CPAMD8: variants seen among roughly 807,000 people sequenced by gnomAD.
CPAMD8 encodes the protein C3 and PZP like alpha-2-macroglobulin domain containing 8, also known as C3 and PZP-like alpha-2-macroglobulin domain-containing protein 8.
A neutral mutation model predicts 224.7 loss-of-function variants in CPAMD8; 146 were observed. The ratio of observed to expected loss-of-function variants is 0.65; its 90% CI spans 0.57 to 0.75. CPAMD8 has a LOEUF of 0.75. CPAMD8 is among the 30% of genes least tolerant of loss of function. CPAMD8 has a pLI of 0.00. For synonymous variants in CPAMD8, 966 were observed against 1,044.6 expected, an observed-to-expected ratio of 0.92 and a Z score of 1.45; for missense variants, 2,301 against 2,537.5, an observed-to-expected ratio of 0.91 and a Z score of 2.00.
intron 3 of CPAMD8, among the ~76,000 whole-genome samples, chr19:17,019,990 G>A (rs62126013): frequency 1.5e-5 from 1 of 68,784 alleles, no homozygotes; most frequent in Admixed American, 1.7e-4. Flanking sequence ...TTTTTTTTTG[G>A]TGAGACGGAG....
chr19:16,941,978 A>G (rs2053910504), intron 22 of CPAMD8, among the ~76,000 whole-genome samples: 1 of 151,354 alleles, frequency 6.6e-6, no homozygotes, highest in East Asian at 2.0e-4. Flanking sequence ...TCTCAAAACA[A>G]CAACAAGAAC....
intron 27 of CPAMD8, among the ~76,000 whole-genome samples, chr19:16,916,015 CTT>C (rs1491173760): frequency 6.7e-6 from 1 of 149,942 alleles, no homozygotes; most frequent in Non-Finnish European, 1.5e-5. Flanking sequence ...CTCTCTCTCT[CTT>C]GCTTTCTTGC....
At chr19:16,896,147 C>A (rs761293554) in intron 41 of CPAMD8, 29 bp downstream of exon 41, 1 of 1,612,512 alleles carries the variant, frequency 6.2e-7, no homozygotes. Flanking sequence ...GCCTATGTCT[C>A]TTATCTCTGG....
chr19:16,946,160 ATG>A (rs952145849), intron 21 of CPAMD8, among the ~76,000 whole-genome samples: 13 of 126,260 alleles, frequency 1.0e-4, no homozygotes, highest in East Asian at 2.3e-4. Context: ...ACATGTGGGC[ATG>A]TGTGTGTGTA....
intron 9 of CPAMD8, among the ~76,000 whole-genome samples, chr19:17,001,492 G>A (rs61579059): frequency 0.23 from 34,650 of 149,264 alleles, 4,531 homozygotes; most frequent in African/African-American, 0.33. Context: ...GCATTCTTTG[G>A]GGAGGGGAGA....
intron 7 of CPAMD8, among the ~76,000 whole-genome samples, chr19:17,008,081 C>T (rs568381183): frequency 1.3e-3 from 193 of 152,292 alleles, no homozygotes; most frequent in African/African-American, 4.4e-3. Context: ...AGGCAGGAGA[C>T]GCTCTTGAAC....
rs377224281 is a variant in CPAMD8, at chr19:16,980,611, G to A, written c.1471C>T (p.Arg491Trp). Residue 491 changes from arginine to tryptophan, a missense_variant, in exon 14 of 42, where the codon CGG (arginine) becomes TGG (tryptophan). By Grantham distance (101) the Arg-to-Trp change is moderately radical. Transcript: ENST00000443236. ...TGGCCCGATAGCACAATATTGCCCC[G>A]TGCAGCCACCTCGTAGTACAGGGTA... ...NFTLYYEVAARGNIVLSGQQP... is the reference protein window; with the variant it reads ...NFTLYYEVAAWGNIVLSGQQP... 5.9e-5 allele frequency: 95 copies of A among 1,608,868 alleles called. No homozygotes were observed. The highest frequency in any genetic ancestry group is 3.3e-4 in the Middle Eastern group (2 of 6,016).
At chr19:17,024,119 C>T (rs1344163099) in intron 1 of CPAMD8, among the ~76,000 whole-genome samples, 1 of 152,126 alleles carries the variant, frequency 6.6e-6, no homozygotes, top group Non-Finnish European at 1.5e-5. Flanking sequence ...CACTGATAAA[C>T]CAAACTTCAT....
intron 3 of CPAMD8, 67 bp from the exon 4 acceptor site, chr19:17,011,824 G>C (rs769102719): frequency 8.5e-6 from 13 of 1,531,672 alleles, no homozygotes; most frequent in Admixed American, 2.0e-5. Context: ...ACTGGGGAAG[G>C]AGTTTGGAGG....
chr19:17,009,761 G>A (rs889323765), intron 5 of CPAMD8, among the ~76,000 whole-genome samples: 8 of 150,634 alleles, frequency 5.3e-5, no homozygotes, highest in South Asian at 2.1e-4. Context: ...GTGACACAGC[G>A]AGACTCCGTC....
chr19:16,988,662 A>G (rs1244349395), intron 13 of CPAMD8, among the ~76,000 whole-genome samples: 1 of 152,030 alleles, frequency 6.6e-6, no homozygotes, highest in Non-Finnish European at 1.5e-5. Flanking sequence ...TAATGCATGC[A>G]TGCATTCTGC....
At position 16,970,957 on chromosome 19, in the gene CPAMD8, G is replaced by A. The variant is rs1466362661; in HGVS notation, c.2147C>T (p.Ala716Val). The A allele has an allele frequency of 6.2e-7, 1 of 1,613,936 alleles. No individual in the cohort carries two copies. Among genetic ancestry groups the A allele is most frequent in the South Asian group, 1.1e-5 (1 of 91,046 alleles). The part of the protein sequence containing the change: ...RQDGGLYTDE[A>V]VPAFQPHTGS... ...TGTGTGGGGCTGGAAAGCGGGGACA[G>A]CCTCATCGGTGTAGAGGCCACCGTC... Residue 716 changes from alanine (A) to valine (V), a missense_variant, in exon 18 of 42, where the codon GCT becomes GTT. Physicochemically the swap from Ala to Val is moderately conservative, Grantham distance 64. Transcript: ENST00000443236.
intron 13 of CPAMD8, among the ~76,000 whole-genome samples, chr19:16,983,934 C>T (rs1309914322): frequency 6.6e-6 from 1 of 152,144 alleles, no homozygotes; most frequent in Non-Finnish European, 1.5e-5. Flanking sequence ...AGGACTCACA[C>T]TTCCTAATTT....
intron 13 of CPAMD8, among the ~76,000 whole-genome samples, chr19:16,985,086 G>A (rs1005974610): frequency 1.3e-5 from 2 of 152,186 alleles, no homozygotes; most frequent in Non-Finnish European, 2.9e-5. Context: ...CTTGAGGTCA[G>A]GTAAAATAAT....
rs1422731493 is a variant in CPAMD8, at chr19:16,899,673, G to C, written c.4774-124C>G. On this transcript the variant is annotated intron_variant, in intron 36 of 41. Coordinates refer to ENST00000443236, the MANE Select transcript of CPAMD8 (RefSeq NM_015692.5). This position sits in a 1 kb window ranked among gnomAD's most constrained non-coding sequence, Gnocchi z 5.4. ...CAAGTTACCATGGGCTGGGGTCTGGGTGCTGGTCAGTGCTCCCCAGGCCCT... is the reference window on the plus strand; with the variant it reads ...CAAGTTACCATGGGCTGGGGTCTGGCTGCTGGTCAGTGCTCCCCAGGCCCT... 2 of 643,308 alleles carry C rather than the reference G, an allele frequency of 3.1e-6. No individual in the cohort carries two copies. The highest frequency in any genetic ancestry group is 5.7e-6 in the Non-Finnish European group (2 of 349,544). 39.8% of individuals were successfully genotyped at this position (643,308 alleles called of 1,614,324 possible).
chr19:16,937,747 G>T (rs551423060), intron 23 of CPAMD8, among the ~76,000 whole-genome samples: 1 of 146,862 alleles, frequency 6.8e-6, no homozygotes, highest in Non-Finnish European at 1.5e-5. Context: ...CCGCCTCCCC[G>T]GTTCAAGTGA....
At chr19:16,948,307 G>A (rs1403267659) in intron 20 of CPAMD8, among the ~76,000 whole-genome samples, 1 of 152,196 alleles carries the variant, frequency 6.6e-6, no homozygotes, top group Non-Finnish European at 1.5e-5. Context: ...GTGGAGAGAA[G>A]CATGCGGGGA....
At chr19:16,977,580 G>A (rs369611324) in intron 14 of CPAMD8, 40 bp from the exon 15 acceptor site, 83 of 1,490,406 alleles carry the variant, frequency 5.6e-5, no homozygotes, top group African/African-American at 5.1e-4. Context: ...TGAATTCTCC[G>A]CATCCGACAT....
intron 13 of CPAMD8, among the ~76,000 whole-genome samples, chr19:16,981,930 A>G (rs560957218): frequency 1.2e-4 from 18 of 152,318 alleles, no homozygotes; most frequent in African/African-American, 4.3e-4. Flanking sequence ...GTCATGCTCA[A>G]CATCACACAA....
Sources: gnomAD v4.1 joint callset for allele counts (sites outside exome capture counted in the v4.1 genomes callset) on GRCh38, gnomAD v4.1.1 for gene constraint, Gnocchi (gnomAD v3.1) non-coding constraint, MANE v1.5 for transcripts, NCBI Gene and HGNC (gene_info 2026-07-23, HGNC 2026-07-21) for gene names.